Variants in SNTB1 observed in about 807,000 individuals in gnomAD.
The protein encoded by SNTB1 is beta-1-syntrophin.
In SNTB1, 36 loss-of-function variants were observed where a neutral mutation model predicts 48.9. The observed-to-expected ratio is 0.74, with a 90% confidence interval of 0.56 to 0.97. The LOEUF is 0.97. Ranked by LOEUF, SNTB1 falls within the 50% of genes least tolerant of loss-of-function variation. The pLI, the probability that SNTB1 is intolerant of heterozygous loss-of-function variation, is 0.00. For missense variants in SNTB1, 786 were observed against 703.4 expected (o/e 1.12, Z -1.33); for synonymous variants, 299 against 294.6 (o/e 1.01, Z -0.15).
intron 4 of SNTB1, among the ~76,000 whole-genome samples, chr8:120,553,082 C>T (rs960431466): frequency 9.8e-5 from 15 of 152,318 alleles, no homozygotes; most frequent in Non-Finnish European, 1.3e-4. Flanking sequence ...TGCTCACCTC[C>T]TGCTGTGCAG....
chr8:120,794,345 C>T (rs2130162414), intron 1 of SNTB1, among the ~76,000 whole-genome samples: 1 of 152,154 alleles, frequency 6.6e-6, no homozygotes, highest in East Asian at 1.9e-4. Flanking sequence ...TTAAATTTCT[C>T]AGACCTTCAC....
chr8:120,631,572 G>A (rs1302485405), intron 3 of SNTB1, among the ~76,000 whole-genome samples: 2 of 152,030 alleles, frequency 1.3e-5, no homozygotes, highest in Non-Finnish European at 2.9e-5. Flanking sequence ...GAGTCACTGG[G>A]AGGTCAGATT....
intron 1 of SNTB1, among the ~76,000 whole-genome samples, chr8:120,697,156 A>G (rs767810634): frequency 2.0e-5 from 3 of 152,252 alleles, no homozygotes; most frequent in African/African-American, 4.8e-5. Context: ...AAGCATGGGG[A>G]GTATAGCAAG....
At chr8:120,684,108 A>G (rs72682539) in intron 2 of SNTB1, among the ~76,000 whole-genome samples, 17,874 of 152,136 alleles carry the variant, frequency 0.12, 2,241 homozygotes, top group African/African-American at 0.31. Context: ...AGAGCCTCAC[A>G]GTGCCTATTA....
chr8:120,744,713 C>T (rs563524115), intron 1 of SNTB1, among the ~76,000 whole-genome samples: 1 of 152,246 alleles, frequency 6.6e-6, no homozygotes, highest in African/African-American at 2.4e-5. Flanking sequence ...ATATTTCAGA[C>T]TCCTAAAACC....
intron 4 of SNTB1, among the ~76,000 whole-genome samples, chr8:120,564,331 C>T (rs990930257): frequency 1.1e-4 from 16 of 151,842 alleles, no homozygotes; most frequent in East Asian, 3.9e-4. Flanking sequence ...CCTCCATGCA[C>T]GCAGAAAGTA....
intron 6 of SNTB1, among the ~76,000 whole-genome samples, chr8:120,539,935 T>G (rs769301560): frequency 6.6e-6 from 1 of 152,200 alleles, no homozygotes; most frequent in African/African-American, 2.4e-5. Context: ...AGGGAAGTTA[T>G]GAAACTTTCT....
intron 3 of SNTB1, among the ~76,000 whole-genome samples, chr8:120,631,963 A>G (rs1816988768): frequency 6.6e-6 from 1 of 152,216 alleles, no homozygotes; most frequent in Non-Finnish European, 1.5e-5. Context: ...ACATAAGAAA[A>G]GAGCCAGCAT....
chr8:120,755,179 A>AGC (rs1819297271), intron 1 of SNTB1, among the ~76,000 whole-genome samples: 1 of 149,608 alleles, frequency 6.7e-6, no homozygotes, highest in Non-Finnish European at 1.5e-5. Context: ...TGTGAGAGAG[A>AGC]GAGAGAGAGC....
intron 2 of SNTB1, among the ~76,000 whole-genome samples, chr8:120,686,466 G>A (rs532588464): frequency 6.6e-6 from 1 of 152,212 alleles, no homozygotes; most frequent in East Asian, 1.9e-4. Flanking sequence ...AGGCTCCCTT[G>A]AGCCTCTTTT....
At chr8:120,671,692 A>T (rs1817759530) in intron 2 of SNTB1, among the ~76,000 whole-genome samples, 1 of 152,224 alleles carries the variant, frequency 6.6e-6, no homozygotes, top group African/African-American at 2.4e-5. Flanking sequence ...TGTTTAAGAC[A>T]CCTGGTTTGT....
At chr8:120,650,332 C>A (rs1327980783) in intron 2 of SNTB1, among the ~76,000 whole-genome samples, 6 of 152,098 alleles carry the variant, frequency 3.9e-5, no homozygotes, top group Non-Finnish European at 8.8e-5. Flanking sequence ...CAGCATGAAA[C>A]CACTAAATAT....
intron 1 of SNTB1, among the ~76,000 whole-genome samples, chr8:120,707,298 G>A (rs574516591): frequency 5.1e-4 from 77 of 152,204 alleles, no homozygotes; most frequent in Non-Finnish European, 7.1e-4. Context: ...ATCTTGCTCC[G>A]TAGAACTAAT....
At chr8:120,684,103 C>T (rs1464060284) in intron 2 of SNTB1, among the ~76,000 whole-genome samples, 1 of 152,126 alleles carries the variant, frequency 6.6e-6, no homozygotes, top group Non-Finnish European at 1.5e-5. Context: ...TGGTTAGAGC[C>T]TCACAGTGCC....
chr8:120,548,846 T>C lies in SNTB1; in HGVS notation c.1249A>G (p.Thr417Ala), dbSNP rs762326336. The C allele has an allele frequency of 1.2e-6, 2 of 1,613,932 alleles. No homozygotes were observed. The highest frequency in any genetic ancestry group is 1.7e-6 in the Non-Finnish European group (2 of 1,179,974). ...GIETHLFRAE[T>A]SRDLSHWTRS... ...GTCCAGTGGGAGAGGTCCCTGCTGG[T>C]CTCTGCTCTGAAGAGATGTGTTTCA... The change falls in exon 5 of 7, where the codon ACC (threonine) becomes GCC (alanine). Residue 417 changes from threonine (T) to alanine (A), a missense_variant. Transcript: ENST00000517992.
At chr8:120,608,932 C>T (rs1816570704) in intron 3 of SNTB1, among the ~76,000 whole-genome samples, 1 of 152,126 alleles carries the variant, frequency 6.6e-6, no homozygotes, top group Admixed American at 6.6e-5. Context: ...AAAGTAATTG[C>T]TACCTTGGGG....
chr8:120,717,329 G>A (rs575059773), intron 1 of SNTB1, among the ~76,000 whole-genome samples: 2 of 152,274 alleles, frequency 1.3e-5, no homozygotes, highest in Non-Finnish European at 2.9e-5. Flanking sequence ...CAAATGGGCC[G>A]CTGTATATTA....
At chr8:120,695,597 T>C (rs1818198724) in intron 1 of SNTB1, among the ~76,000 whole-genome samples, 1 of 152,014 alleles carries the variant, frequency 6.6e-6, no homozygotes. Flanking sequence ...CTATGTTTTA[T>C]AAAAGGAATA....
chr8:120,647,662 T>C (rs1260846149), intron 2 of SNTB1, among the ~76,000 whole-genome samples: 1 of 128,766 alleles, frequency 7.8e-6, no homozygotes, highest in Non-Finnish European at 1.6e-5. Flanking sequence ...GGTGGAGAGT[T>C]CTGTAGATGT....
Sources: allele counts gnomAD v4.1 joint callset (sites outside exome capture counted in the v4.1 genomes callset), GRCh38; gene constraint gnomAD v4.1.1; transcripts MANE v1.5; gene names NCBI Gene and HGNC (gene_info 2026-07-23, HGNC 2026-07-21).